Variants in TTLL12 observed in about 807,000 individuals in gnomAD.
The protein encoded by TTLL12 is tubulin--tyrosine ligase-like protein 12.
TTLL12 carries 77 observed loss-of-function variants against 79.6 expected under a neutral mutation model. The ratio of observed to expected loss-of-function variants is 0.97; its 90% CI spans 0.81 to 1.17. The LOEUF (loss-of-function observed/expected upper bound fraction) is 1.17. Among genes scored for constraint, TTLL12 ranks in the 50% most tolerant of loss-of-function variants. TTLL12 has a pLI of 0.00. For synonymous variants in TTLL12, 437 were observed against 376.1 expected (o/e 1.16, Z -1.87); for missense variants, 969 against 895.9 (o/e 1.08, Z -1.04).
intron 2 of TTLL12, among the ~76,000 whole-genome samples, chr22:43,181,200 C>A (rs989249525): frequency 6.6e-6 from 1 of 152,240 alleles, no homozygotes; most frequent in Non-Finnish European, 1.5e-5. Flanking sequence ...GGGGTCTCTA[C>A]CGCCTGTCAC....
chr22:43,186,114 C>T, intron 1 of TTLL12: 1 of 526,456 alleles, frequency 1.9e-6, no homozygotes, highest in Non-Finnish European at 2.4e-6. Context: ...TCCACTTCAT[C>T]ACCTGCGCCA....
intron 1 of TTLL12, among the ~76,000 whole-genome samples, chr22:43,185,390 AGCGCTGGCAG>A (rs1279363607): frequency 2.0e-5 from 3 of 151,320 alleles, no homozygotes; most frequent in Admixed American, 6.6e-5. Context: ...AAGGGCCCAC[AGCGCTGGCAG>A]GTGCTGCTGC....
intron 5 of TTLL12, among the ~76,000 whole-genome samples, chr22:43,177,846 G>T (rs1402995599): frequency 6.6e-6 from 1 of 152,192 alleles, no homozygotes; most frequent in East Asian, 1.9e-4. Flanking sequence ...CTGTTTTAAG[G>T]TGCTAAGTTT....
intron 1 of TTLL12, chr22:43,185,939 T>C (rs773232663): frequency 3.4e-5 from 33 of 984,278 alleles, no homozygotes; most frequent in Non-Finnish European, 3.5e-5. Flanking sequence ...TGTTACACTG[T>C]AGCATAAGGA....
chr22:43,171,975 G>A (rs747716492), intron 10 of TTLL12, 75 bp from the exon 11 acceptor site: 23 of 1,303,290 alleles, frequency 1.8e-5, no homozygotes, highest in Non-Finnish European at 2.3e-5. Flanking sequence ...CACCCACTCA[G>A]CCTTCCCAAC....
At chr22:43,169,832 G>A (rs953337385) in intron 11 of TTLL12, 1 of 563,582 alleles carries the variant, frequency 1.8e-6, no homozygotes, top group Non-Finnish European at 3.4e-6. Context: ...GCTCTGCCCA[G>A]TAAACTGACT....
In TTLL12 at chr22:43,174,536, C is replaced by T. The variant is rs375493928; in HGVS notation, c.997G>A (p.Asp333Asn). 66 of 1,613,404 alleles carry T rather than the reference C, an allele frequency of 4.1e-5. No homozygotes were observed. The highest frequency in any genetic ancestry group is 2.1e-4 in the African/African-American group (16 of 75,056). ...AAGTGTGAGAAGTTGAAGAGGATGT[C>T]GGCGTCCGCCTCACTCTGGGTGAGG... ...FTLTQSEADADILFNFSHFKD... is the reference protein window; with the variant it reads ...FTLTQSEADANILFNFSHFKD... The change falls in exon 7 of 14, where the codon GAC becomes AAC. Residue 333 changes from aspartate to asparagine, a missense_variant. Transcript: ENST00000216129.
At chr22:43,173,487 T>G (rs1215671885) in intron 9 of TTLL12, among the ~76,000 whole-genome samples, 1 of 152,092 alleles carries the variant, frequency 6.6e-6, no homozygotes, top group Non-Finnish European at 1.5e-5. Context: ...ATTTTTAAAG[T>G]TTTTTCCCTT....
At chr22:43,184,722 C>G (rs778824587) in intron 1 of TTLL12, among the ~76,000 whole-genome samples, 1 of 152,188 alleles carries the variant, frequency 6.6e-6, no homozygotes, top group Non-Finnish European at 1.5e-5. Flanking sequence ...GGGCTTCCGC[C>G]CCAGTACTCC....
chr22:43,171,100 G>A (rs1247314025), intron 11 of TTLL12, among the ~76,000 whole-genome samples: 2 of 152,176 alleles, frequency 1.3e-5, no homozygotes, highest in Admixed American at 1.3e-4. Flanking sequence ...GCGACAGGCA[G>A]GGTGGGGTAG....
At position 43,179,620 on chromosome 22, in the gene TTLL12, T is replaced by C. The variant is rs748564645; in HGVS notation, c.839A>G (p.Gln280Arg). The part of the protein sequence containing the change: ...CTPEPPAEHY[Q>R]AILEENKEKL... ...CTGGTGGGTGGAGGAGGGCTGCACC[T>C]GGTAGTGCTCGGCGGGCGGCTCGGG... The change falls in exon 5 of 14, where the codon CAG (glutamine) becomes CGG (arginine). Residue 280 changes from glutamine to arginine, a missense_variant and splice_region_variant. Transcript: ENST00000216129. 1.9e-6 allele frequency: 3 copies of C among 1,580,702 alleles called. No individual in the cohort carries two copies. The highest frequency in any genetic ancestry group is 2.7e-5 in the African/African-American group (2 of 73,754).
At position 43,172,527 on chromosome 22, in the gene TTLL12, C is replaced by T. The variant is rs753913805; in HGVS notation, c.1369G>A (p.Val457Met). 12 of 1,613,988 alleles carry T rather than the reference C, an allele frequency of 7.4e-6. No individual in the cohort carries two copies. The highest frequency in any genetic ancestry group is 1.3e-5 in the African/African-American group (1 of 74,886). ...CCCACGTCTTCTCGAAGGAACAACA[C>T]GGGACTTTCGATGTACTTGGACACA... ...KVVSKYIESP[V>M]LFLREDVGKV... The change falls in exon 10 of 14, where the codon GTG (valine) becomes ATG (methionine). Residue 457 changes from valine (V) to methionine (M), a missense_variant. Transcript: ENST00000216129.
chr22:43,181,065 G>A, intron 2 of TTLL12, 125 bp from the exon 3 acceptor site: 1 of 1,128,422 alleles, frequency 8.9e-7, no homozygotes, highest in East Asian at 2.6e-5. Context: ...GGTCTACTGG[G>A]TGCCATAGTT....
intron 1 of TTLL12, chr22:43,185,923 A>G (rs1932171763): frequency 1.0e-6 from 1 of 979,274 alleles, no homozygotes; most frequent in Non-Finnish European, 1.2e-6. Flanking sequence ...GGCAGAGGAA[A>G]CTCTCTGTTA....
rs140975951 is a variant in TTLL12, at chr22:43,174,833, T to C, written c.918-218A>G. Among the ~76,000 whole-genome samples, 31 of 152,278 alleles carry C rather than the reference T, an allele frequency of 2.0e-4. No individual in the cohort carries two copies. The East Asian group carries it at 5.4e-3, about 27-fold the overall frequency. ...CAACCTGTACCCTTGTGACCCCTGGTTCCCCATCCGCAGGACTGGACCACA... is the reference window on the plus strand; with the variant it reads ...CAACCTGTACCCTTGTGACCCCTGGCTCCCCATCCGCAGGACTGGACCACA... On this transcript the variant is annotated intron_variant, in intron 6 of 13. Transcript: ENST00000216129.
intron 1 of TTLL12, among the ~76,000 whole-genome samples, chr22:43,183,580 C>A (rs779223098): frequency 6.6e-6 from 1 of 152,226 alleles, no homozygotes; most frequent in Admixed American, 6.5e-5. Flanking sequence ...ACCCCAATGC[C>A]CCCCTCACCA....
At chr22:43,168,343 A>C (rs1931671162) in intron 13 of TTLL12, among the ~76,000 whole-genome samples, 184 bp from the exon 14 acceptor site, 1 of 151,978 alleles carries the variant, frequency 6.6e-6, no homozygotes, top group Non-Finnish European at 1.5e-5. Context: ...GCCTGGCCTG[A>C]CATCTGCTTC....
chr22:43,185,247 TTATATATATATATATATATATATATATA>T (rs3985927), intron 1 of TTLL12, among the ~76,000 whole-genome samples: 4,731 of 115,692 alleles, frequency 0.041, 180 homozygotes, highest in South Asian at 0.08. Flanking sequence ...AAGAAAAAAA[TTATATATATATATATATATATATATATA>T]TATATATATA....
intron 1 of TTLL12, among the ~76,000 whole-genome samples, chr22:43,185,028 G>A (rs1404279019): frequency 6.6e-6 from 1 of 151,918 alleles, no homozygotes; most frequent in Non-Finnish European, 1.5e-5. Flanking sequence ...AGGAATTCGA[G>A]ATCAGCCTGA....
Sources: gnomAD v4.1 joint callset for allele counts (sites outside exome capture counted in the v4.1 genomes callset) on GRCh38, gnomAD v4.1.1 for gene constraint, MANE v1.5 for transcripts, NCBI Gene and HGNC (gene_info 2026-07-23, HGNC 2026-07-21) for gene names.